PREP: variants seen among roughly 807,000 people sequenced by gnomAD.
PREP encodes prolyl endopeptidase.
A neutral mutation model predicts 87.6 loss-of-function variants in PREP; 29 were observed. The ratio of observed to expected loss-of-function variants is 0.33; its 90% CI spans 0.25 to 0.45. The LOEUF (loss-of-function observed/expected upper bound fraction) is 0.45, where lower values mean the gene tolerates loss of function less well. PREP is among the 20% of genes least tolerant of loss of function. The probability of loss-of-function intolerance (pLI) is 1.00; values close to 1 mark genes in which losing one functional copy is unlikely to be tolerated. For synonymous variants in PREP, 337 were observed against 328.6 expected (o/e 1.03, Z -0.28); for missense variants, 695 against 886.5 (o/e 0.78, Z 2.74).
chr6:105,400,854 T>C (rs1773410545), intron 1 of PREP, among the ~76,000 whole-genome samples: 1 of 152,184 alleles, frequency 6.6e-6, no homozygotes, highest in Non-Finnish European at 1.5e-5. Context: ...GACAGAGAGC[T>C]ACCGCAATGC....
At chr6:105,285,686 A>T in intron 11 of PREP, 106 bp from the exon 12 acceptor site, 1 of 820,422 alleles carries the variant, frequency 1.2e-6, no homozygotes, top group Non-Finnish European at 2.0e-6. Flanking sequence ...TCTGAGTAAT[A>T]TCATCTCAAT....
intron 7 of PREP, among the ~76,000 whole-genome samples, chr6:105,341,187 A>G (rs990636477): frequency 2.0e-5 from 3 of 152,230 alleles, no homozygotes; most frequent in African/African-American, 7.2e-5. Context: ...AACAAACGGT[A>G]TCTCAGACCA....
At chr6:105,371,471 A>C (rs1218342847) in intron 5 of PREP, among the ~76,000 whole-genome samples, 1 of 133,250 alleles carries the variant, frequency 7.5e-6, no homozygotes, top group Non-Finnish European at 1.5e-5. Flanking sequence ...ACTGCACTCC[A>C]GCCTGGGTGA....
At position 105,397,850 on chromosome 6, in the gene PREP, T is replaced by G; in HGVS notation, c.120+3A>C. On this transcript the variant is annotated splice_donor_region_variant and intron_variant, in intron 2 of 14. Coordinates refer to ENST00000652536, the MANE Select transcript of PREP (RefSeq NM_002726.5). ...CCTTATCTTTAATTAGAAACCAAAT[T>G]ACCTTAGTCTGTTCACTGTCGGGGT... 6.3e-7 allele frequency: 1 copy of G among 1,598,844 alleles called. No homozygotes were observed.
chr6:105,315,142 G>A (rs1164361906), intron 10 of PREP, among the ~76,000 whole-genome samples: 1 of 152,128 alleles, frequency 6.6e-6, no homozygotes, highest in African/African-American at 2.4e-5. Context: ...AGTGAATTTA[G>A]CACAATTCTT....
chr6:105,311,519 C>T (rs1770761723), intron 10 of PREP, among the ~76,000 whole-genome samples: 1 of 152,248 alleles, frequency 6.6e-6, no homozygotes, highest in Admixed American at 6.5e-5. Context: ...CGTGACCACT[C>T]CAACTGCACA....
rs572074134 is a variant in PREP at position 105,314,524 on chromosome 6, T to C, written c.1317+9141A>G. 5.6e-4 allele frequency among the ~76,000 whole-genome samples: 85 copies of C among 152,302 alleles called. 1 individual carries two copies. Among genetic ancestry groups the C allele is most frequent in the Non-Finnish European group, 2.9e-5 (2 of 68,024 alleles). On this transcript the variant is annotated intron_variant, in intron 10 of 14. Transcript: ENST00000652536. ...CACAGCATCTCCAGCAGGAATAGAT[T>C]CCATCTCAAGAAACCAATTTCTTTG...
rs1769916883 is a variant in PREP at position 105,275,637 on chromosome 6, G to GGATA, written c.*2506_*2507insTATC. ...ATCAAAAAGATATCTGCACTCCTGT[G>GGATA]TCTACTGCAGCACTATCCACAACAG... On this transcript the variant is annotated 3_prime_UTR_variant, in exon 15 of 15. Transcript: ENST00000652536. 6.6e-6 allele frequency among the ~76,000 whole-genome samples: 1 copy of GGATA among 152,186 alleles called. No individual in the cohort carries two copies. Among genetic ancestry groups the GGATA allele is most frequent in the Non-Finnish European group, 1.5e-5 (1 of 68,046 alleles).
At chr6:105,280,393 C>CCAAA (rs144303503) in intron 14 of PREP, among the ~76,000 whole-genome samples, 12,375 of 152,026 alleles carry the variant, frequency 0.081, 1,586 homozygotes, top group African/African-American at 0.27. Flanking sequence ...AGTCTGAGAG[C>CCAAA]CAAACACTGG....
At chr6:105,338,635 TA>T (rs1358160007) in intron 7 of PREP, among the ~76,000 whole-genome samples, 3 of 152,166 alleles carry the variant, frequency 2.0e-5, no homozygotes, top group African/African-American at 7.2e-5. Context: ...TTCCCTTTCC[TA>T]GCCAAGGGAA....
At chr6:105,282,413 C>A in intron 13 of PREP, 38 bp downstream of exon 13, 1 of 1,596,542 alleles carries the variant, frequency 6.3e-7, no homozygotes, top group South Asian at 1.1e-5. Flanking sequence ...CCCAAGAGGG[C>A]TAACTAGTAA....
chr6:105,353,153 A>T (rs1399533054), intron 6 of PREP, 76 bp from the exon 7 acceptor site: 2 of 1,231,050 alleles, frequency 1.6e-6, no homozygotes, highest in Admixed American at 2.0e-5. Context: ...ATATTAAGTT[A>T]AAAAATTAAG....
At chr6:105,382,462 G>A (rs1772870190) in intron 2 of PREP, among the ~76,000 whole-genome samples, 1 of 151,838 alleles carries the variant, frequency 6.6e-6, no homozygotes, top group Admixed American at 6.6e-5. Flanking sequence ...TACAGATACA[G>A]GCTCACTTAC....
chr6:105,384,080 T>A (rs1772921297), intron 2 of PREP, among the ~76,000 whole-genome samples: 2 of 152,184 alleles, frequency 1.3e-5, no homozygotes, highest in African/African-American at 2.4e-5. Flanking sequence ...GGAGTTGACA[T>A]CTATTTCTTT....
At chr6:105,303,231 A>AT (rs1354186563) in intron 10 of PREP, among the ~76,000 whole-genome samples, 1 of 151,944 alleles carries the variant, frequency 6.6e-6, no homozygotes, top group East Asian at 1.9e-4. Flanking sequence ...CATGCAGCTA[A>AT]TTTTTTATTT....
At chr6:105,399,278 A>G (rs778559379) in intron 1 of PREP, among the ~76,000 whole-genome samples, 8 of 152,170 alleles carry the variant, frequency 5.3e-5, no homozygotes, top group Non-Finnish European at 1.0e-4. Flanking sequence ...TTGTTCTACA[A>G]TGCCAGAAGG....
intron 10 of PREP, chr6:105,302,813 A>C (rs1770568296): frequency 2.3e-6 from 1 of 425,948 alleles, no homozygotes; most frequent in Non-Finnish European, 4.5e-6. Context: ...CCGAGACTTG[A>C]TCTTAGCCAT....
intron 2 of PREP, among the ~76,000 whole-genome samples, chr6:105,385,216 A>C (rs1207823704): frequency 1.3e-5 from 2 of 151,884 alleles, no homozygotes; most frequent in African/African-American, 4.8e-5. Flanking sequence ...TAAAATAACA[A>C]GAGAAAATAA....
intron 2 of PREP, among the ~76,000 whole-genome samples, chr6:105,383,602 T>C (rs1385725259): frequency 6.6e-6 from 1 of 152,184 alleles, no homozygotes; most frequent in Non-Finnish European, 1.5e-5. Context: ...GTAAGCTTCC[T>C]GCTGCACATG....
Sources: allele counts gnomAD v4.1 joint callset (sites outside exome capture counted in the v4.1 genomes callset), GRCh38; gene constraint gnomAD v4.1.1; transcripts MANE v1.5; gene names NCBI Gene and HGNC (gene_info 2026-07-23, HGNC 2026-07-21).